The following GRM8 variants were observed in gnomAD, a reference collection of about 807,000 sequenced individuals.
The protein encoded by GRM8 is glutamate metabotropic receptor 8.
GRM8 carries 47 observed loss-of-function variants against 87.2 expected under a neutral mutation model. The observed-to-expected ratio is 0.54, with a 90% confidence interval of 0.43 to 0.69. The LOEUF is 0.69. GRM8 is among the 30% of genes least tolerant of loss of function. The pLI, the probability that GRM8 is intolerant of heterozygous loss-of-function variation, is 0.00. For synonymous variants in GRM8, 396 were observed against 404.5 expected, an observed-to-expected ratio of 0.98 and a Z score of 0.25; for missense variants, 1,019 against 1,139.2, an observed-to-expected ratio of 0.89 and a Z score of 1.52.
intron 6 of GRM8, among the ~76,000 whole-genome samples, chr7:126,888,040 G>A (rs535855703): frequency 1.9e-4 from 29 of 152,242 alleles, no homozygotes; most frequent in African/African-American, 7.0e-4. Flanking sequence ...AGCATCCTAA[G>A]TCAATATGAA....
At chr7:126,973,714 T>C (rs1409770159) in intron 3 of GRM8, among the ~76,000 whole-genome samples, 1 of 152,200 alleles carries the variant, frequency 6.6e-6, no homozygotes, top group African/African-American at 2.4e-5. Flanking sequence ...AAGATGCCAT[T>C]GATCATAAGA....
chr7:126,798,553 G>A (rs1161133178), intron 6 of GRM8, among the ~76,000 whole-genome samples: 2 of 152,152 alleles, frequency 1.3e-5, no homozygotes, highest in African/African-American at 4.8e-5. Context: ...AGCATCCTGT[G>A]CATCCAGTGG....
intron 7 of GRM8, among the ~76,000 whole-genome samples, chr7:126,620,603 C>G (rs1800042652): frequency 6.6e-6 from 1 of 151,952 alleles, no homozygotes; most frequent in Non-Finnish European, 1.5e-5. Context: ...CTGGCTCTAC[C>G]AATTATCCGT....
chr7:126,514,982 T>A (rs954862449), intron 9 of GRM8, among the ~76,000 whole-genome samples: 5 of 152,036 alleles, frequency 3.3e-5, no homozygotes, highest in African/African-American at 1.2e-4. Context: ...CATATTGCAA[T>A]CCTTATAATC....
At chr7:126,951,220 G>T (rs1165922663) in intron 3 of GRM8, among the ~76,000 whole-genome samples, 1 of 151,972 alleles carries the variant, frequency 6.6e-6, no homozygotes, top group Non-Finnish European at 1.5e-5. Flanking sequence ...ATACATAACT[G>T]CCCATTTGTA....
intron 7 of GRM8, among the ~76,000 whole-genome samples, chr7:126,684,553 A>C (rs1252551146): frequency 2.0e-5 from 3 of 152,226 alleles, no homozygotes; most frequent in Non-Finnish European, 4.4e-5. Context: ...CCAGGGCTCC[A>C]TCGGAGGCAG....
chr7:127,108,804 A>G (rs1420466794), intron 2 of GRM8, among the ~76,000 whole-genome samples: 1 of 152,216 alleles, frequency 6.6e-6, no homozygotes, highest in East Asian at 1.9e-4. Flanking sequence ...TGATTAATTC[A>G]GTAATGGACT....
chr7:126,942,452 T>A (rs952001661), intron 3 of GRM8, among the ~76,000 whole-genome samples: 1 of 152,208 alleles, frequency 6.6e-6, no homozygotes, highest in African/African-American at 2.4e-5. Context: ...ACTCATTACC[T>A]GACAAGGAAC....
At chr7:127,223,441 A>ATG (rs371146657) in intron 2 of GRM8, among the ~76,000 whole-genome samples, 30,096 of 109,556 alleles carry the variant, frequency 0.27, 3,374 homozygotes, top group Middle Eastern at 0.39. Context: ...ACACACACAC[A>ATG]CGCACACACA....
At chr7:127,176,717 C>T (rs554834186) in intron 2 of GRM8, among the ~76,000 whole-genome samples, 1 of 152,344 alleles carries the variant, frequency 6.6e-6, no homozygotes, top group South Asian at 2.1e-4. Flanking sequence ...CAGACAACCC[C>T]CAGTACCAGT....
chr7:127,074,476 C>T (rs966135083), intron 3 of GRM8, among the ~76,000 whole-genome samples: 1 of 152,108 alleles, frequency 6.6e-6, no homozygotes, highest in Non-Finnish European at 1.5e-5. Flanking sequence ...CTGAGATGTC[C>T]CCACTTGCCC....
chr7:127,081,223 A>G (rs1305573934), intron 3 of GRM8, among the ~76,000 whole-genome samples: 3 of 152,102 alleles, frequency 2.0e-5, no homozygotes, highest in Admixed American at 2.0e-4. Context: ...CTCCACCCTG[A>G]ACTCCATGTA....
rs937821242 is a variant in GRM8, at chr7:126,927,053, T to C, written c.728-22370A>G. On this transcript the variant is annotated intron_variant, in intron 3 of 10. Coordinates refer to ENST00000339582, the MANE Select transcript of GRM8 (RefSeq NM_000845.3). The stretch of plus-strand genomic sequence containing the variant: ...TTTGTTGGATTAACCAATAAATAAA[T>C]GAATGCTCCAGTCTCTGTTCAACGT... Among the ~76,000 whole-genome samples the C allele has an allele frequency of 9.2e-5, 14 of 152,212 alleles. 1 individual carries two copies. The highest frequency in any genetic ancestry group is 6.2e-4 in the South Asian group (3 of 4,830).
intron 3 of GRM8, among the ~76,000 whole-genome samples, chr7:127,043,150 C>CT (rs1818593753): frequency 6.6e-6 from 1 of 152,202 alleles, no homozygotes; most frequent in Non-Finnish European, 1.5e-5. Context: ...AATAGGAACA[C>CT]TTTTACACTG....
At chr7:126,512,704 T>C (rs1811573178) in intron 9 of GRM8, 1 of 152,102 alleles carries the variant, frequency 6.6e-6, no homozygotes, top group Non-Finnish European at 1.5e-5. Flanking sequence ...AAAATGTTTA[T>C]CCTGACCATC....
intron 6 of GRM8, among the ~76,000 whole-genome samples, chr7:126,777,457 C>G (rs544250351): frequency 2.5e-4 from 38 of 152,196 alleles, no homozygotes; most frequent in African/African-American, 8.9e-4. Context: ...ATTCCTTCTC[C>G]TCTGTGAAAT....
chr7:127,212,422 T>TTTA (rs1173904020), intron 2 of GRM8, among the ~76,000 whole-genome samples: 1 of 94,022 alleles, frequency 1.1e-5, no homozygotes, highest in African/African-American at 3.1e-5. Context: ...TTTTTTTTTT[T>TTTA]TTTTTTTTTT....
chr7:126,905,748 T>G (rs1256246790), intron 3 of GRM8, among the ~76,000 whole-genome samples: 1 of 152,142 alleles, frequency 6.6e-6, no homozygotes, highest in Non-Finnish European at 1.5e-5. Context: ...TACCATGGAA[T>G]AGATAATAAA....
At chr7:127,177,762 GT>G (rs1431838493) in intron 2 of GRM8, among the ~76,000 whole-genome samples, 1 of 152,158 alleles carries the variant, frequency 6.6e-6, no homozygotes. Context: ...AATCACTGCA[GT>G]TTGGCTCTCA....
Sources: allele counts gnomAD v4.1 joint callset (sites outside exome capture counted in the v4.1 genomes callset), GRCh38; gene constraint gnomAD v4.1.1; transcripts MANE v1.5; gene names NCBI Gene and HGNC (gene_info 2026-07-23, HGNC 2026-07-21).